ZNF536: variants seen among roughly 807,000 people sequenced by gnomAD.
ZNF536 encodes zinc finger protein 536.
A neutral mutation model predicts 84.5 loss-of-function variants in ZNF536; 13 were observed. The ratio of observed to expected loss-of-function variants is 0.15; its 90% CI spans 0.10 to 0.24. The LOEUF (loss-of-function observed/expected upper bound fraction) is 0.24, where lower values mean the gene tolerates loss of function less well. Among genes scored for constraint, ZNF536 ranks in the 10% least tolerant of loss-of-function variants. The probability of loss-of-function intolerance (pLI) is 1.00; values close to 1 mark genes in which losing one functional copy is unlikely to be tolerated. For missense variants in ZNF536, 1,536 were observed against 1,747.5 expected, an observed-to-expected ratio of 0.88 and a Z score of 2.16; for synonymous variants, 811 against 742.5, an observed-to-expected ratio of 1.09 and a Z score of -1.50.
intron 2 of ZNF536, among the ~76,000 whole-genome samples, chr19:30,348,200 T>C (rs367587780): frequency 3.3e-5 from 5 of 152,352 alleles, no homozygotes; most frequent in African/African-American, 1.2e-4. Flanking sequence ...ATGTATGCAT[T>C]TGTTAGTTCC....
chr19:30,447,873 T>C (rs2052426161), intron 2 of ZNF536, among the ~76,000 whole-genome samples: 1 of 152,196 alleles, frequency 6.6e-6, no homozygotes, highest in African/African-American at 2.4e-5. Context: ...TCCTGAAATG[T>C]AAGGGTCTCG....
intron 2 of ZNF536, among the ~76,000 whole-genome samples, chr19:30,342,384 A>C (rs1261996259): frequency 6.6e-6 from 1 of 152,150 alleles, no homozygotes; most frequent in African/African-American, 2.4e-5. Context: ...TGCTATCTTT[A>C]AAAAGATATT....
intron 2 of ZNF536, among the ~76,000 whole-genome samples, chr19:30,340,746 A>G (rs1263999019): frequency 6.6e-6 from 1 of 152,214 alleles, no homozygotes; most frequent in Non-Finnish European, 1.5e-5. Flanking sequence ...AGGGCCAAAA[A>G]GAAAATTCCA....
intron 2 of ZNF536, among the ~76,000 whole-genome samples, chr19:30,335,970 A>G (rs2047369997): frequency 6.6e-6 from 1 of 152,104 alleles, no homozygotes; most frequent in African/African-American, 2.4e-5. Flanking sequence ...CATTCCTCAG[A>G]TGTGAGACCC....
intron 2 of ZNF536, among the ~76,000 whole-genome samples, chr19:30,299,528 C>T (rs2046112009): frequency 6.6e-6 from 1 of 152,046 alleles, no homozygotes; most frequent in African/African-American, 2.4e-5. Flanking sequence ...AAGAGTCCAG[C>T]AATTCAAAGC....
Position 30,414,075 on chromosome 19 carries a change from C to G in ZNF536, c.-2-29486C>G, listed in dbSNP as rs534391283. Among the ~76,000 whole-genome samples, 9 of 108,480 alleles carry G rather than the reference C, an allele frequency of 8.3e-5. No individual in the cohort carries two copies. The South Asian group carries it at 3.1e-3, about 37-fold the overall frequency. 71.2% of individuals were successfully genotyped at this position (108,480 alleles called of 152,430 possible). A position where few individuals can be genotyped will look rare whatever the true frequency, so the allele number is the denominator to read the frequency against. On this transcript the variant is annotated intron_variant, in intron 1 of 4. Transcript: ENST00000355537. ...GCCACTGCACTCCAACCCCGGGCAA[C>G]AGTGAGAGACTCTGTCTCAAAAAAA...
intron 2 of ZNF536, among the ~76,000 whole-genome samples, chr19:30,503,507 G>A (rs1252531357): frequency 6.6e-6 from 1 of 152,244 alleles, no homozygotes; most frequent in East Asian, 1.9e-4. Flanking sequence ...CTACAAAACA[G>A]CAGGTAGAGT....
intron 1 of ZNF536, among the ~76,000 whole-genome samples, chr19:30,402,579 G>A (rs2050087381): frequency 6.6e-6 from 1 of 151,602 alleles, no homozygotes; most frequent in Admixed American, 6.6e-5. Context: ...ACCTCTCCCA[G>A]CCACCTTCCA....
chr19:30,668,064 GTGCCCTTCAGAAGTGCTAAC>G (rs2050402110), intron 1 of ZNF536, among the ~76,000 whole-genome samples: 1 of 152,098 alleles, frequency 6.6e-6, no homozygotes, highest in Admixed American at 6.6e-5. Flanking sequence ...AATAACTGGA[GTGCCCTTCAGAAGTGCTAAC>G]TGCTCCAAGT....
chr19:30,675,917 G>C (rs2050736967), intron 1 of ZNF536, among the ~76,000 whole-genome samples: 1 of 152,134 alleles, frequency 6.6e-6, no homozygotes, highest in South Asian at 2.1e-4. Flanking sequence ...GAGTGCAGTT[G>C]TGTGATCATA....
intron 2 of ZNF536, among the ~76,000 whole-genome samples, chr19:30,498,466 T>G (rs2054811923): frequency 6.6e-6 from 1 of 151,680 alleles, no homozygotes; most frequent in South Asian, 2.1e-4. Flanking sequence ...CGGAGAGCAT[T>G]AGGAAAAATA....
chr19:30,581,983 T>C (rs1198380390), intron 1 of ZNF536, among the ~76,000 whole-genome samples: 1 of 152,086 alleles, frequency 6.6e-6, no homozygotes, highest in Non-Finnish European at 1.5e-5. Flanking sequence ...GAAGGAGTTA[T>C]GTCCAAGAGT....
At chr19:30,362,757 G>T (rs78877294) in intron 3 of ZNF536, among the ~76,000 whole-genome samples, 20,802 of 151,992 alleles carry the variant, frequency 0.14, 1,801 homozygotes, top group Non-Finnish European at 0.19. Context: ...TTGGTTCTTG[G>T]TTCTTGTTTA....
intron 2 of ZNF536, among the ~76,000 whole-genome samples, chr19:30,464,283 G>A (rs2049720340): frequency 6.6e-6 from 1 of 152,176 alleles, no homozygotes; most frequent in Admixed American, 6.5e-5. Flanking sequence ...TTACCACAAG[G>A]CAGGGATTTC....
intron 1 of ZNF536, among the ~76,000 whole-genome samples, chr19:30,268,885 T>C (rs2025666321): frequency 6.6e-6 from 1 of 152,210 alleles, no homozygotes; most frequent in Non-Finnish European, 1.5e-5. Context: ...TCTTCCCCTT[T>C]TCTTGCTTTT....
chr19:30,250,625 A>G (rs2024552545), intron 1 of ZNF536, among the ~76,000 whole-genome samples: 1 of 152,180 alleles, frequency 6.6e-6, no homozygotes, highest in Admixed American at 6.5e-5. Flanking sequence ...TGAGTCTTCT[A>G]CTTAGAGAAG....
At chr19:30,531,982 T>C (rs2044844813) in intron 2 of ZNF536, among the ~76,000 whole-genome samples, 1 of 152,044 alleles carries the variant, frequency 6.6e-6, no homozygotes, top group Non-Finnish European at 1.5e-5. Flanking sequence ...AGTTCCCCCT[T>C]ATAAGAGAAC....
At chr19:30,588,867 G>C (rs1004740907) in intron 1 of ZNF536, among the ~76,000 whole-genome samples, 1 of 152,164 alleles carries the variant, frequency 6.6e-6, no homozygotes, top group Non-Finnish European at 1.5e-5. Context: ...AAAAGAATTA[G>C]TTATTTTTTT....
chr19:30,353,403 T>A (rs982853654), intron 3 of ZNF536, among the ~76,000 whole-genome samples: 2 of 152,044 alleles, frequency 1.3e-5, no homozygotes, highest in African/African-American at 4.8e-5. Flanking sequence ...TTTATTTGAG[T>A]TAGAAAGTGT....
Sources: allele counts gnomAD v4.1 joint callset (sites outside exome capture counted in the v4.1 genomes callset), GRCh38; gene constraint gnomAD v4.1.1; transcripts MANE v1.5; gene names NCBI Gene and HGNC (gene_info 2026-07-23, HGNC 2026-07-21).